IQGAP2: variants seen among roughly 807,000 people sequenced by gnomAD.
IQGAP2 encodes the protein IQ motif containing GTPase activating protein 2, also known as ras GTPase-activating-like protein IQGAP2.
IQGAP2 carries 173 observed loss-of-function variants against 201.3 expected under a neutral mutation model. The ratio of observed to expected loss-of-function variants is 0.86; its 90% CI spans 0.76 to 0.98. The LOEUF (loss-of-function observed/expected upper bound fraction) is 0.98. Ranked by LOEUF, IQGAP2 falls within the 50% of genes least tolerant of loss-of-function variation. The probability of loss-of-function intolerance (pLI) is 0.00; values close to 1 mark genes in which losing one functional copy is unlikely to be tolerated. For missense variants in IQGAP2, 1,687 were observed against 1,864.8 expected (o/e 0.90, Z 1.76); for synonymous variants, 675 against 673.9 (o/e 1.00, Z -0.03).
intron 15 of IQGAP2, among the ~76,000 whole-genome samples, chr5:76,635,225 C>T (rs757961426): frequency 5.6e-4 from 86 of 152,218 alleles, no homozygotes; most frequent in Non-Finnish European, 1.1e-3. Context: ...TTGCCTGCTT[C>T]TTTTCCCACG....
At chr5:76,464,718 G>C (rs994646896) in intron 2 of IQGAP2, among the ~76,000 whole-genome samples, 11 of 151,986 alleles carry the variant, frequency 7.2e-5, no homozygotes, top group African/African-American at 2.7e-4. Flanking sequence ...CCATTGAAAA[G>C]TTCTTTATTC....
chr5:76,548,870 A>G (rs1455064343), intron 2 of IQGAP2, among the ~76,000 whole-genome samples: 1 of 152,194 alleles, frequency 6.6e-6, no homozygotes, highest in Non-Finnish European at 1.5e-5. Flanking sequence ...ACTAAATGCC[A>G]TTTAAGAGTG....
chr5:76,617,555 C>A (rs1283817742), intron 13 of IQGAP2: 1 of 1,551,826 alleles, frequency 6.4e-7, no homozygotes, highest in Non-Finnish European at 8.8e-7. Flanking sequence ...TCTGTGATGG[C>A]TGTCCTTGTT....
intron 1 of IQGAP2, among the ~76,000 whole-genome samples, chr5:76,459,919 G>A (rs565504133): frequency 1.3e-5 from 2 of 152,258 alleles, no homozygotes; most frequent in East Asian, 1.9e-4. Flanking sequence ...GATTACAGGC[G>A]TGAGCCACCG....
chr5:76,684,248 T>A (rs1337950897), intron 30 of IQGAP2, among the ~76,000 whole-genome samples: 1 of 152,172 alleles, frequency 6.6e-6, no homozygotes, highest in Non-Finnish European at 1.5e-5. Flanking sequence ...AGAAGATTAG[T>A]GAGGAAATTC....
At chr5:76,589,267 G>T (rs1242684992) in intron 6 of IQGAP2, among the ~76,000 whole-genome samples, 1 of 145,182 alleles carries the variant, frequency 6.9e-6, no homozygotes, top group African/African-American at 2.6e-5. Context: ...AGCTGAGATT[G>T]TGCCACTGCA....
At chr5:76,426,905 G>GGTGTGTGTGTGTGTGT (rs141560559) in intron 1 of IQGAP2, among the ~76,000 whole-genome samples, 2,762 of 146,640 alleles carry the variant, frequency 0.019, 34 homozygotes, top group East Asian at 0.028. Context: ...AACCATGGAG[G>GGTGTGTGTGTGTGTGT]GTGTGTGTGT....
intron 1 of IQGAP2, among the ~76,000 whole-genome samples, chr5:76,432,128 C>CTTTTTTTT (rs70982606): frequency 0.31 from 28,885 of 92,766 alleles, 6,188 homozygotes; most frequent in South Asian, 0.36. Context: ...TTTCTTTCTT[C>CTTTTTTTT]TTTTTTTTTT....
chr5:76,406,028 A>G (rs974439639), intron 1 of IQGAP2, among the ~76,000 whole-genome samples: 1 of 152,116 alleles, frequency 6.6e-6, no homozygotes, highest in Non-Finnish European at 1.5e-5. Context: ...TAAGTTGTCT[A>G]TTGCTTATTT....
chr5:76,629,667 C>T (rs769675731), intron 14 of IQGAP2, among the ~76,000 whole-genome samples: 6 of 152,150 alleles, frequency 3.9e-5, no homozygotes, highest in Non-Finnish European at 5.9e-5. Flanking sequence ...TAGACCTGTA[C>T]TTTATACATA....
At position 76,404,210 on chromosome 5, in the gene IQGAP2, T is replaced by C. The variant is rs745853092; in HGVS notation, c.46+619T>C. 7.4e-4 allele frequency among the ~76,000 whole-genome samples: 112 copies of C among 152,144 alleles called. 1 individual carries two copies. Among genetic ancestry groups the C allele is most frequent in the Admixed American group, 9.2e-4 (14 of 15,300 alleles). ...CCCCGCTCCCCTCGCGCGGGAGGAT[T>C]GCTGTGTGGAGAGGACGCGGCACTA... On this transcript the variant is annotated intron_variant, in intron 1 of 35. Coordinates refer to ENST00000274364, the MANE Select transcript of IQGAP2 (RefSeq NM_006633.5).
At chr5:76,629,001 T>A (rs1750477868) in intron 14 of IQGAP2, among the ~76,000 whole-genome samples, 1 of 152,226 alleles carries the variant, frequency 6.6e-6, no homozygotes. Flanking sequence ...AGAAGGTTTT[T>A]AAAATGTTCT....
At chr5:76,408,280 G>T (rs549626567) in intron 1 of IQGAP2, among the ~76,000 whole-genome samples, 1 of 152,184 alleles carries the variant, frequency 6.6e-6, no homozygotes, top group Non-Finnish European at 1.5e-5. Flanking sequence ...GTCCTACAGG[G>T]CAGGCAGTTT....
At chr5:76,630,165 A>G (rs2150381339) in intron 14 of IQGAP2, among the ~76,000 whole-genome samples, 1 of 152,350 alleles carries the variant, frequency 6.6e-6, no homozygotes, top group African/African-American at 2.4e-5. Flanking sequence ...AGGCAGGCAC[A>G]CCAATGTCAG....
rs1256514845 is a variant in IQGAP2 at position 76,597,547 on chromosome 5, T to C, written c.1016T>C (p.Phe339Ser). The C allele has an allele frequency of 2.5e-6, 4 of 1,613,776 alleles. No homozygotes were observed. Among genetic ancestry groups the C allele is most frequent in the African/African-American group, 1.3e-5 (1 of 74,840 alleles). ...PEAQLPAVYP[F>S]AAAMYQNELF... ...GCCCAGCTGCCTGCTGTTTATCCCT[T>C]TGCTGCTGCCATGTATCAGAACGAA... Residue 339 changes from phenylalanine (F) to serine (S), a missense_variant, in exon 10 of 36, where the codon TTT (phenylalanine) becomes TCT (serine). Coordinates refer to ENST00000274364, the MANE Select transcript of IQGAP2 (RefSeq NM_006633.5).
At chr5:76,614,870 A>T (rs1167906544) in intron 13 of IQGAP2, among the ~76,000 whole-genome samples, 1 of 152,192 alleles carries the variant, frequency 6.6e-6, no homozygotes, top group African/African-American at 2.4e-5. Flanking sequence ...TGCTGGTATT[A>T]TCAGTATAAA....
intron 35 of IQGAP2, among the ~76,000 whole-genome samples, chr5:76,703,313 A>G (rs986413653): frequency 6.6e-6 from 1 of 152,092 alleles, no homozygotes; most frequent in Non-Finnish European, 1.5e-5. Flanking sequence ...ACACCACCAC[A>G]TCTGGCTAAT....
chr5:76,631,433 A>G (rs1305584470), intron 14 of IQGAP2, among the ~76,000 whole-genome samples: 9 of 152,184 alleles, frequency 5.9e-5, no homozygotes, highest in Admixed American at 3.9e-4. Context: ...ACTATACAAG[A>G]GAATACCAGG....
chr5:76,655,939 A>T (rs997336158), intron 20 of IQGAP2, among the ~76,000 whole-genome samples: 2 of 152,222 alleles, frequency 1.3e-5, no homozygotes, highest in East Asian at 3.8e-4. Context: ...GGAGAGCTTG[A>T]TGATAAATTT....
Sources: allele counts gnomAD v4.1 joint callset (sites outside exome capture counted in the v4.1 genomes callset), GRCh38; gene constraint gnomAD v4.1.1; transcripts MANE v1.5; gene names NCBI Gene and HGNC (gene_info 2026-07-23, HGNC 2026-07-21).